The following WDR45 variants were observed in gnomAD, a reference collection of about 807,000 sequenced individuals.
WDR45 encodes WD repeat domain phosphoinositide-interacting protein 4.
WDR45 carries 2 observed loss-of-function variants against 27.3 expected under a neutral mutation model. That is an observed-to-expected ratio of 0.07 (90% CI 0.03 to 0.23). WDR45 has a LOEUF of 0.23. WDR45 is among the 10% of genes least tolerant of loss of function. The pLI is 1.00. For synonymous variants in WDR45, 99 were observed against 119.2 expected, an observed-to-expected ratio of 0.83 and a Z score of 1.11; for missense variants, 175 against 311.9, an observed-to-expected ratio of 0.56 and a Z score of 3.31.
intron 2 of WDR45, among the ~76,000 whole-genome samples, chrX:49,090,624 G>A (rs971977847): frequency 9.0e-6 from 1 of 110,806 alleles, no homozygotes; most frequent in African/African-American, 3.3e-5. Context: ...TGCAACCTCC[G>A]CCTCCTGGGT....
At chrX:49,079,521 C>T (rs2147819004) in intron 1 of WDR45, 1 of 111,721 alleles carries the variant, frequency 9.0e-6, no homozygotes, top group South Asian at 3.7e-4. Context: ...ACACCCTCCA[C>T]TGGAATGCCT....
intron 4 of WDR45, chrX:49,077,269 C>A: frequency 4.3e-6 from 1 of 231,834 alleles, no homozygotes; most frequent in African/African-American, 2.8e-5. Flanking sequence ...GCTTGTGTGA[C>A]CTTGGATGAG....
intron 2 of WDR45, among the ~76,000 whole-genome samples, chrX:49,094,481 T>G (rs2065118383): frequency 1.8e-5 from 2 of 110,733 alleles, no homozygotes; most frequent in Admixed American, 1.9e-4. Context: ...AAAAAAAATT[T>G]TTTTTTTTGT....
chrX:49,094,735 T>C (rs903284081), intron 2 of WDR45, among the ~76,000 whole-genome samples: 3 of 110,763 alleles, frequency 2.7e-5, no homozygotes, highest in South Asian at 3.9e-4. Flanking sequence ...TGAGACATAG[T>C]TGGCACTCAA....
At chrX:49,096,468 C>T (rs1232002036) in intron 2 of WDR45, among the ~76,000 whole-genome samples, 3 of 112,365 alleles carry the variant, frequency 2.7e-5, no homozygotes, top group Admixed American at 9.5e-5. Flanking sequence ...GGAGCTCAAG[C>T]GATCCTCCTG....
chrX:49,087,044 GTTTT>G (rs1207440775), intron 2 of WDR45, among the ~76,000 whole-genome samples: 1 of 106,121 alleles, frequency 9.4e-6, no homozygotes, highest in Non-Finnish European at 1.9e-5. Flanking sequence ...TTGTTTTTTT[GTTTT>G]TTGTTTTTTT....
intron 2 of WDR45, among the ~76,000 whole-genome samples, chrX:49,094,645 T>G (rs2065118952): frequency 9.0e-6 from 1 of 111,073 alleles, no homozygotes; most frequent in African/African-American, 3.3e-5. Flanking sequence ...TGGTGGTATA[T>G]TCACCTGCTC....
chrX:49,080,888 ATTTTTT>A (rs782319738), upstream of WDR45, among the ~76,000 whole-genome samples: 4 of 42,400 alleles, frequency 9.4e-5, no homozygotes, highest in Non-Finnish European at 1.6e-4. Flanking sequence ...ACTGGAAGGA[ATTTTTT>A]TTTTTTTTTT....
Position 49,075,968 on chromosome X carries a change from G to C in WDR45, c.437-23C>G, listed in dbSNP as rs1482759441. 5 of 1,160,689 alleles carry C rather than the reference G, an allele frequency of 4.3e-6. No individual in the cohort carries two copies. In the African/African-American group the frequency reaches 8.9e-5, roughly 21 times the overall value. On this transcript the variant is annotated intron_variant, in intron 6 of 10. Coordinates refer to ENST00000376372, the MANE Select transcript of WDR45 (RefSeq NM_001029896.2). ...GCCCTAGGGTGTGAAGATGGGGGGT[G>C]GGGTGGGCGGCTGAAGAGGAGGCAG...
At position 49,075,236 on chromosome X, in the gene WDR45, C is replaced by T; in HGVS notation, c.873G>A (p.Val291=). 1 of 1,211,795 alleles carries T rather than the reference C, an allele frequency of 8.3e-7. No individual in the cohort carries two copies. The highest frequency in any genetic ancestry group is 1.1e-6 in the Non-Finnish European group (1 of 895,404). ...AGCTCGCCAGGCTCCACTGAGAGTCCACGTACTGCCCAATCATAGGCCCCA... is the reference window on the plus strand; with the variant it reads ...AGCTCGCCAGGCTCCACTGAGAGTCTACGTACTGCCCAATCATAGGCCCCA... ...GKVGPMIGQY[V]DSQWSLASFT... is the part of the protein sequence containing the mutation. Residue 291 remains valine, a synonymous_variant, in exon 10 of 11, where the codon GTG becomes GTA. Coordinates refer to ENST00000376372, the MANE Select transcript of WDR45 (RefSeq NM_001029896.2).
At chrX:49,094,482 T>G (rs2065118395) in intron 2 of WDR45, among the ~76,000 whole-genome samples, 1 of 111,032 alleles carries the variant, frequency 9.0e-6, no homozygotes, top group African/African-American at 3.3e-5. Context: ...AAAAAAATTT[T>G]TTTTTTTGTA....
At chrX:49,084,775 C>A (rs1414281247), upstream of WDR45, among the ~76,000 whole-genome samples, 2 of 109,854 alleles carry the variant, frequency 1.8e-5, no homozygotes, top group Non-Finnish European at 3.8e-5. Flanking sequence ...GCTGGGGTTA[C>A]GGGCACCTGC....
intron 2 of WDR45, among the ~76,000 whole-genome samples, chrX:49,097,933 C>T (rs1557087579): frequency 4.6e-5 from 5 of 109,695 alleles, no homozygotes; most frequent in South Asian, 8.1e-4. Flanking sequence ...GCTGGGATTA[C>T]AGGCACGAGC....
In WDR45 at chrX:49,098,973, CA is replaced by C. The variant is rs1175835303; in HGVS notation, c.-18+1231del. Among the ~76,000 whole-genome samples the C allele has an allele frequency of 3.6e-5, 4 of 111,726 alleles. No individual in the cohort carries two copies. In the Admixed American group the frequency reaches 3.8e-4, roughly 11 times the overall value. ...GTATTATATGAAACGGAAGTATATA[CA>C]AAGTATTATACAAAAGTGAAGTATA... On this transcript the variant is annotated intron_variant, in intron 2 of 11. Transcript: ENST00000356463.
intron 7 of WDR45, 32 bp from the exon 8 acceptor site, chrX:49,075,785 G>A: frequency 8.3e-7 from 1 of 1,198,440 alleles, no homozygotes; most frequent in Non-Finnish European, 1.1e-6. Context: ...TGAGGTTGGG[G>A]TGGTATGGAG....
intron 2 of WDR45, among the ~76,000 whole-genome samples, chrX:49,098,265 T>G (rs1322841489): frequency 9.5e-6 from 1 of 104,781 alleles, no homozygotes; most frequent in Non-Finnish European, 2.0e-5. Context: ...GAGGCTGAGG[T>G]GGGCGGATCA....
chrX:49,092,408 T>A (rs2065110783), intron 2 of WDR45, among the ~76,000 whole-genome samples: 1 of 110,184 alleles, frequency 9.1e-6, no homozygotes, highest in Non-Finnish European at 1.9e-5. Context: ...GGACCAATTT[T>A]TTTTTTAACT....
At chrX:49,089,580 A>G (rs1364494009) in intron 2 of WDR45, among the ~76,000 whole-genome samples, 2 of 110,262 alleles carry the variant, frequency 1.8e-5, no homozygotes, top group Non-Finnish European at 1.9e-5. Flanking sequence ...TTTTTAGTAC[A>G]CACAGAGTTT....
chrX:49,096,148 C>A (rs1486979357), intron 2 of WDR45, among the ~76,000 whole-genome samples: 3 of 110,770 alleles, frequency 2.7e-5, no homozygotes, highest in Non-Finnish European at 5.7e-5. Context: ...TTTGACATTG[C>A]ACTTGACTTT....
Sources: gnomAD v4.1 joint callset for allele counts (sites outside exome capture counted in the v4.1 genomes callset) on GRCh38, gnomAD v4.1.1 for gene constraint, MANE v1.5 for transcripts, NCBI Gene and HGNC (gene_info 2026-07-23, HGNC 2026-07-21) for gene names.